Variants in CNTNAP5 observed in about 807,000 individuals in gnomAD.
CNTNAP5 encodes the protein contactin-associated protein-like 5.
In CNTNAP5, 72 loss-of-function variants were observed where a neutral mutation model predicts 150.2. The observed-to-expected ratio is 0.48, with a 90% confidence interval of 0.40 to 0.58. The LOEUF (loss-of-function observed/expected upper bound fraction) is 0.58. Among genes scored for constraint, CNTNAP5 ranks in the 20% least tolerant of loss-of-function variants. The probability of loss-of-function intolerance (pLI) is 0.00; values close to 1 mark genes in which losing one functional copy is unlikely to be tolerated. For missense variants in CNTNAP5, 1,636 were observed against 1,626.2 expected (o/e 1.01, Z -0.10); for synonymous variants, 672 against 619.8 (o/e 1.08, Z -1.25).
At chr2:124,802,891 G>A (rs563514527) in intron 19 of CNTNAP5, among the ~76,000 whole-genome samples, 11 of 152,222 alleles carry the variant, frequency 7.2e-5, no homozygotes, top group Non-Finnish European at 1.0e-4. Context: ...TTGGGAGGCC[G>A]AGGCTGGCAG....
intron 7 of CNTNAP5, among the ~76,000 whole-genome samples, chr2:124,476,411 G>A (rs529424779): frequency 1.8e-4 from 27 of 152,138 alleles, no homozygotes; most frequent in African/African-American, 6.5e-4. Context: ...CATGACTGCT[G>A]CCCATGTGAT....
chr2:124,169,518 G>A (rs1684883949), intron 1 of CNTNAP5, among the ~76,000 whole-genome samples: 1 of 152,170 alleles, frequency 6.6e-6, no homozygotes, highest in African/African-American at 2.4e-5. Flanking sequence ...GACATTTATT[G>A]TGAACTTTCA....
chr2:124,674,530 T>TCTTCCTTTCTTC (rs1558730688), intron 13 of CNTNAP5, among the ~76,000 whole-genome samples: 1 of 112,824 alleles, frequency 8.9e-6, no homozygotes, highest in African/African-American at 3.8e-5. Context: ...TTTCTTTCTT[T>TCTTCCTTTCTTC]CTTTCTTTCT....
intron 13 of CNTNAP5, among the ~76,000 whole-genome samples, chr2:124,693,669 G>A (rs1679344010): frequency 6.6e-6 from 1 of 152,020 alleles, no homozygotes; most frequent in African/African-American, 2.4e-5. Context: ...ACCATAATGA[G>A]CTGTCCTTTC....
intron 1 of CNTNAP5, among the ~76,000 whole-genome samples, chr2:124,181,518 A>G (rs917432240): frequency 2.0e-5 from 3 of 151,888 alleles, no homozygotes; most frequent in Non-Finnish European, 4.4e-5. Context: ...CTCCTGGTAT[A>G]TTTTTATTCT....
intron 13 of CNTNAP5, among the ~76,000 whole-genome samples, chr2:124,653,349 G>A (rs1678361383): frequency 6.6e-6 from 1 of 151,396 alleles, no homozygotes; most frequent in Non-Finnish European, 1.5e-5. Context: ...TAATAATCTA[G>A]ACTATATAAT....
At chr2:124,128,357 A>G (rs973000506) in intron 1 of CNTNAP5, among the ~76,000 whole-genome samples, 2 of 152,216 alleles carry the variant, frequency 1.3e-5, no homozygotes, top group Non-Finnish European at 2.9e-5. Flanking sequence ...CAAAACCACA[A>G]TGAGATACCA....
At chr2:124,410,355 A>T (rs2104768640) in intron 3 of CNTNAP5, among the ~76,000 whole-genome samples, 1 of 151,896 alleles carries the variant, frequency 6.6e-6, no homozygotes, top group South Asian at 2.1e-4. Flanking sequence ...CCAAGAATTG[A>T]ACTCAGCTCT....
At chr2:124,183,076 G>T (rs1685246718) in intron 1 of CNTNAP5, among the ~76,000 whole-genome samples, 1 of 151,928 alleles carries the variant, frequency 6.6e-6, no homozygotes, top group Non-Finnish European at 1.5e-5. Context: ...CTTTATATTT[G>T]GTGAAGATAT....
chr2:124,823,260 G>C (rs576170634), intron 19 of CNTNAP5, among the ~76,000 whole-genome samples: 5 of 152,222 alleles, frequency 3.3e-5, no homozygotes, highest in African/African-American at 1.2e-4. Flanking sequence ...TAAGACACCA[G>C]ATCTAGTGCT....
At chr2:124,078,584 A>C (rs186397889) in intron 1 of CNTNAP5, among the ~76,000 whole-genome samples, 5 of 152,334 alleles carry the variant, frequency 3.3e-5, no homozygotes, top group African/African-American at 1.2e-4. Flanking sequence ...CTGTGATGGA[A>C]TCTTCAGTTT....
rs1201616256 is a variant in CNTNAP5, at chr2:124,904,071, A to AAC, written c.3655+972_3655+973insCA. Reference sequence around the variant, plus strand: ...TCTGTTTCAAAAAAAAAAACAAAAAAAAAAAAACCAAAATGTATCATCTTC... The same window carrying AAC: ...TCTGTTTCAAAAAAAAAAACAAAAAAACAAAAAAACCAAAATGTATCATCTTC... On this transcript the variant is annotated intron_variant, in intron 22 of 23. Transcript: ENST00000682447. Among the ~76,000 whole-genome samples the AAC allele has an allele frequency of 4.9e-4, 74 of 151,106 alleles. 1 individual carries two copies. Among genetic ancestry groups the AAC allele is most frequent in the Admixed American group, 1.1e-3 (16 of 15,148 alleles).
intron 13 of CNTNAP5, among the ~76,000 whole-genome samples, chr2:124,731,389 T>A (rs1159345715): frequency 6.6e-6 from 1 of 152,034 alleles, no homozygotes; most frequent in African/African-American, 2.4e-5. Flanking sequence ...ATAATGCTTA[T>A]TAACCATCAA....
chr2:124,711,449 G>A (rs1340688354), intron 13 of CNTNAP5, among the ~76,000 whole-genome samples: 1 of 151,908 alleles, frequency 6.6e-6, no homozygotes, highest in Non-Finnish European at 1.5e-5. Context: ...CCTTCTCCCT[G>A]TCTCTATCTG....
chr2:124,844,716 A>T (rs201774073), intron 19 of CNTNAP5, among the ~76,000 whole-genome samples: 302 of 150,478 alleles, frequency 2.0e-3, no homozygotes, highest in Admixed American at 4.5e-3. Flanking sequence ...GGTTTTTAAA[A>T]TTTTTTTTTC....
chr2:124,305,940 A>G (rs1191377862), intron 3 of CNTNAP5, among the ~76,000 whole-genome samples: 1 of 152,162 alleles, frequency 6.6e-6, no homozygotes, highest in Non-Finnish European at 1.5e-5. Context: ...TTATTTGCCT[A>G]TATATGTCTC....
Position 124,695,201 on chromosome 2 carries a change from G to A in CNTNAP5, c.2077+47243G>A, listed in dbSNP as rs1029187458. ...TAATCGCACCATGGCCAATCTTACC[G>A]TACCACCATGCAGTTCCTGAAGGTG... is the stretch of plus-strand genomic sequence containing the variant. On this transcript the variant is annotated intron_variant, in intron 13 of 23. Coordinates refer to ENST00000682447, the MANE Select transcript of CNTNAP5 (RefSeq NM_001367498.1). Among the ~76,000 whole-genome samples the A allele has an allele frequency of 5.3e-5, 8 of 152,204 alleles. No individual in the cohort carries two copies. The South Asian group carries it at 1.4e-3, about 28-fold the overall frequency.
intron 18 of CNTNAP5, among the ~76,000 whole-genome samples, chr2:124,795,639 T>C (rs934746030): frequency 2.0e-5 from 3 of 152,140 alleles, no homozygotes; most frequent in African/African-American, 7.2e-5. Flanking sequence ...TGTCTTGGCC[T>C]CCCCAGTAGC....
chr2:124,372,103 A>G (rs1180113582), intron 3 of CNTNAP5, among the ~76,000 whole-genome samples: 1 of 152,006 alleles, frequency 6.6e-6, no homozygotes, highest in African/African-American at 2.4e-5. Flanking sequence ...AAGTAGAAGA[A>G]GGGGGATATT....
Sources: gnomAD v4.1 joint callset for allele counts (sites outside exome capture counted in the v4.1 genomes callset) on GRCh38, gnomAD v4.1.1 for gene constraint, MANE v1.5 for transcripts, NCBI Gene and HGNC (gene_info 2026-07-23, HGNC 2026-07-21) for gene names.